The following RNF220 variants were observed in gnomAD, a reference collection of about 807,000 sequenced individuals.
RNF220 encodes ring finger protein 220.
In RNF220, 7 loss-of-function variants were observed where a neutral mutation model predicts 67.1. The ratio of observed to expected loss-of-function variants is 0.10; its 90% confidence interval spans 0.06 to 0.20. The LOEUF is 0.20. Ranked by LOEUF, RNF220 falls within the 10% of genes least tolerant of loss-of-function variation. RNF220 has a pLI of 1.00. For missense variants in RNF220, 565 were observed against 740.3 expected (o/e 0.76, Z 2.75); for synonymous variants, 270 against 283.2 (o/e 0.95, Z 0.47).
At chr1:44,566,098 C>T (rs1156441351) in intron 2 of RNF220, among the ~76,000 whole-genome samples, 2 of 152,122 alleles carry the variant, frequency 1.3e-5, no homozygotes, top group Admixed American at 1.3e-4. Flanking sequence ...GTTACTCTGT[C>T]CCTCCCATCC....
chr1:44,525,883 T>G (rs191914439), intron 2 of RNF220, among the ~76,000 whole-genome samples: 15 of 152,310 alleles, frequency 9.8e-5, no homozygotes, highest in African/African-American at 3.6e-4. Context: ...GAATCCCATT[T>G]TGTAAGCTGC....
intron 2 of RNF220, among the ~76,000 whole-genome samples, chr1:44,559,892 G>C (rs1663427855): frequency 1.3e-5 from 2 of 152,246 alleles, no homozygotes; most frequent in African/African-American, 4.8e-5. Flanking sequence ...GAAGGCAAGA[G>C]GGTGACTGCT....
chr1:44,516,728 A>T (rs527997838), intron 2 of RNF220, among the ~76,000 whole-genome samples: 104 of 152,138 alleles, frequency 6.8e-4, no homozygotes, highest in Non-Finnish European at 1.1e-3. Context: ...ATCTCATTTC[A>T]TATTATTTCC....
At chr1:44,487,997 T>C (rs1656474301) in intron 2 of RNF220, among the ~76,000 whole-genome samples, 1 of 149,646 alleles carries the variant, frequency 6.7e-6, no homozygotes. Flanking sequence ...TGAGACAGAG[T>C]CTTGCCCTTT....
intron 2 of RNF220, among the ~76,000 whole-genome samples, chr1:44,478,911 C>T (rs900792651): frequency 2.0e-5 from 3 of 152,282 alleles, no homozygotes; most frequent in Non-Finnish European, 4.4e-5. Flanking sequence ...GAAGACCTTC[C>T]TTTTCTATCA....
At chr1:44,580,050 A>G (rs1335152878) in intron 2 of RNF220, among the ~76,000 whole-genome samples, 2 of 145,284 alleles carry the variant, frequency 1.4e-5, no homozygotes, top group African/African-American at 5.4e-5. Context: ...AAAAAAAAAA[A>G]AAAAAAAGAA....
chr1:44,620,647 A>G (rs910924142), intron 3 of RNF220, among the ~76,000 whole-genome samples: 1 of 152,170 alleles, frequency 6.6e-6, no homozygotes, highest in Non-Finnish European at 1.5e-5. Context: ...TAGCCTTCCT[A>G]GTCTGTGATG....
intron 2 of RNF220, among the ~76,000 whole-genome samples, chr1:44,418,045 G>A (rs891042357): frequency 6.6e-6 from 1 of 152,112 alleles, no homozygotes; most frequent in African/African-American, 2.4e-5. Context: ...CCCCCAAGTC[G>A]CACTAAGAAC....
At chr1:44,464,840 T>C (rs558458616) in intron 2 of RNF220, among the ~76,000 whole-genome samples, 105 of 152,294 alleles carry the variant, frequency 6.9e-4, no homozygotes, top group African/African-American at 2.3e-3. Context: ...GCTCTCCTTG[T>C]CTCTGGTCTC....
At chr1:44,531,162 C>G (rs981124731) in intron 2 of RNF220, among the ~76,000 whole-genome samples, 2 of 152,166 alleles carry the variant, frequency 1.3e-5, no homozygotes, top group African/African-American at 4.8e-5. Flanking sequence ...CTGGGCTGCT[C>G]TTTGTAGATT....
In RNF220 at chr1:44,650,829, C is replaced by G. The variant is rs190585955; in HGVS notation, c.*54C>G. Reference sequence around the variant, plus strand: ...CAGCAGCCCCACCTGCCCCCAGCCTCTGTGACAGTGACCGTCTCCCTTTGT... The same window carrying G: ...CAGCAGCCCCACCTGCCCCCAGCCTGTGTGACAGTGACCGTCTCCCTTTGT... On this transcript the variant is annotated 3_prime_UTR_variant, in exon 15 of 15. Coordinates refer to ENST00000361799, the MANE Select transcript of RNF220 (RefSeq NM_018150.4). The surrounding 1 kb of genome is among the most constrained non-coding windows in gnomAD (Gnocchi z 4.3). The G allele has an allele frequency of 1.2e-4, 182 of 1,524,420 alleles. No individual in the cohort carries two copies. The highest frequency in any genetic ancestry group is 1.5e-4 in the Non-Finnish European group (161 of 1,103,268). 94.4% of individuals were successfully genotyped at this position (1,524,420 alleles called of 1,614,324 possible). A position where few individuals can be genotyped will look rare whatever the true frequency, so the allele number is the denominator to read the frequency against.
At chr1:44,534,930 T>C (rs1476972829) in intron 2 of RNF220, among the ~76,000 whole-genome samples, 1 of 152,116 alleles carries the variant, frequency 6.6e-6, no homozygotes, top group Non-Finnish European at 1.5e-5. Flanking sequence ...GTTTTTAAGC[T>C]CTTCAAGTGG....
At chr1:44,641,481 G>A (rs1404421131) in intron 8 of RNF220, among the ~76,000 whole-genome samples, 1 of 152,140 alleles carries the variant, frequency 6.6e-6, no homozygotes, top group Non-Finnish European at 1.5e-5. Flanking sequence ...ACTTGGAAAG[G>A]AGCTGTCTGT....
chr1:44,493,281 C>T (rs1358357464), intron 2 of RNF220, among the ~76,000 whole-genome samples: 1 of 152,126 alleles, frequency 6.6e-6, no homozygotes, highest in Non-Finnish European at 1.5e-5. Flanking sequence ...TTTGGGAGGC[C>T]GAGGCGGGTG....
chr1:44,520,128 T>TGA (rs1553236436), intron 2 of RNF220, among the ~76,000 whole-genome samples: 12,377 of 111,588 alleles, frequency 0.11, 625 homozygotes, highest in Middle Eastern at 0.18. Context: ...TGTGTGTGTG[T>TGA]GAGAGAGAGA....
intron 2 of RNF220, among the ~76,000 whole-genome samples, chr1:44,578,538 C>T (rs1246365386): frequency 6.6e-6 from 1 of 152,152 alleles, no homozygotes; most frequent in Non-Finnish European, 1.5e-5. Flanking sequence ...AGAAAGAAGT[C>T]GGCAAGTGCT....
At chr1:44,592,500 T>A (rs776702769) in intron 2 of RNF220, among the ~76,000 whole-genome samples, 2 of 152,196 alleles carry the variant, frequency 1.3e-5, no homozygotes, top group Non-Finnish European at 2.9e-5. Flanking sequence ...GGGCCAGGCC[T>A]TCCTGGGAGG....
chr1:44,448,517 C>T (rs1251476612), intron 2 of RNF220, among the ~76,000 whole-genome samples: 1 of 152,170 alleles, frequency 6.6e-6, no homozygotes, highest in Admixed American at 6.5e-5. Context: ...CTTTCTGATG[C>T]CTGCAATTAA....
intron 2 of RNF220, among the ~76,000 whole-genome samples, chr1:44,436,407 C>A (rs1650975151): frequency 9.5e-6 from 1 of 105,286 alleles, no homozygotes; most frequent in Admixed American, 1.1e-4. Flanking sequence ...TGTGCTCACA[C>A]ACACACATGT....
Sources: gnomAD v4.1 joint callset for allele counts (sites outside exome capture counted in the v4.1 genomes callset) on GRCh38, gnomAD v4.1.1 for gene constraint, Gnocchi (gnomAD v3.1) non-coding constraint, MANE v1.5 for transcripts, NCBI Gene and HGNC (gene_info 2026-07-23, HGNC 2026-07-21) for gene names.